The following STXBP6 variants were observed in gnomAD, a reference collection of about 807,000 sequenced individuals.
STXBP6 encodes syntaxin-binding protein 6.
A neutral mutation model predicts 26.9 loss-of-function variants in STXBP6; 21 were observed. That is an observed-to-expected ratio of 0.78 (90% CI 0.55 to 1.12). The LOEUF (loss-of-function observed/expected upper bound fraction) is 1.12, where lower values mean the gene tolerates loss of function less well. Among genes scored for constraint, STXBP6 ranks in the 50% most tolerant of loss-of-function variants. The pLI is 0.00. For synonymous variants in STXBP6, 97 were observed against 92.6 expected (o/e 1.05, Z -0.27); for missense variants, 232 against 257.9 (o/e 0.90, Z 0.69).
intron 4 of STXBP6, among the ~76,000 whole-genome samples, chr14:24,830,265 G>C (rs1265004656): frequency 6.6e-6 from 1 of 152,040 alleles, no homozygotes; most frequent in Non-Finnish European, 1.5e-5. Context: ...TCTGGACCAA[G>C]ATAATTTTTG....
At chr14:25,031,151 A>G (rs2075446986) in intron 1 of STXBP6, among the ~76,000 whole-genome samples, 1 of 152,226 alleles carries the variant, frequency 6.6e-6, no homozygotes, top group South Asian at 2.1e-4. Context: ...AGACAAAGCC[A>G]TCACTTGGTT....
chr14:24,991,873 C>T (rs896016709), intron 1 of STXBP6, among the ~76,000 whole-genome samples: 3 of 152,206 alleles, frequency 2.0e-5, no homozygotes, highest in Admixed American at 2.0e-4. Flanking sequence ...CCAAGCCTCA[C>T]AGCCCCTACA....
At chr14:24,852,745 C>T (rs963265361) in intron 4 of STXBP6, among the ~76,000 whole-genome samples, 2 of 152,108 alleles carry the variant, frequency 1.3e-5, no homozygotes, top group African/African-American at 4.8e-5. Context: ...CTCCCACCTC[C>T]CTTTTTAATA....
chr14:24,867,529 G>A (rs1194820836), intron 2 of STXBP6, among the ~76,000 whole-genome samples: 1 of 152,148 alleles, frequency 6.6e-6, no homozygotes, highest in Non-Finnish European at 1.5e-5. Flanking sequence ...TTCAATAAAA[G>A]TGAAAAGGCA....
intron 1 of STXBP6, among the ~76,000 whole-genome samples, chr14:25,039,238 T>C (rs1320210278): frequency 1.3e-5 from 2 of 151,750 alleles, no homozygotes; most frequent in African/African-American, 4.8e-5. Flanking sequence ...AATTAGGGGG[T>C]TAATAGCATA....
chr14:24,995,011 C>CAAAA, intron 1 of STXBP6: 1 of 94,076 alleles, frequency 1.1e-5, no homozygotes, highest in Non-Finnish European at 2.4e-5. Context: ...GACTCCATGT[C>CAAAA]AAAAAAAAAA....
rs773972315 is a variant in STXBP6 at position 24,974,752 on chromosome 14, C to G, written c.67G>C (p.Val23Leu). The G allele has an allele frequency of 3.7e-6, 6 of 1,603,414 alleles. No individual in the cohort carries two copies. The highest frequency in any genetic ancestry group is 5.1e-6 in the Non-Finnish European group (6 of 1,173,818). ...APLDERMLGA[V>L]QVKRRTKKKI... is the part of the protein sequence containing the mutation. ...TTCTTTGTCCTCCTCTTGACTTGGA[C>G]AGCTCCCAGCATCCTTTCATCAAGA... Residue 23 changes from valine (V) to leucine (L), a missense_variant, in exon 2 of 6, where the codon GTC becomes CTC. Physicochemically the swap from Val to Leu is conservative, Grantham distance 32. Coordinates refer to ENST00000323944, the MANE Select transcript of STXBP6 (RefSeq NM_001394410.1).
At chr14:24,911,337 A>C (rs1210222917) in intron 2 of STXBP6, among the ~76,000 whole-genome samples, 2 of 151,542 alleles carry the variant, frequency 1.3e-5, no homozygotes, top group African/African-American at 4.9e-5. Context: ...ACCCTGCCTC[A>C]AAGAAGGAAC....
At chr14:24,938,251 C>T (rs1244309258) in intron 2 of STXBP6, among the ~76,000 whole-genome samples, 1 of 152,184 alleles carries the variant, frequency 6.6e-6, no homozygotes, top group Admixed American at 6.5e-5. Context: ...AGAAGAGCTG[C>T]TTCATCAGAT....
At chr14:24,958,956 C>A (rs1237013849) in intron 2 of STXBP6, among the ~76,000 whole-genome samples, 2 of 152,118 alleles carry the variant, frequency 1.3e-5, no homozygotes, top group African/African-American at 4.8e-5. Context: ...GAAATAAGTG[C>A]TCTAGAACAA....
At chr14:25,001,583 T>C (rs1212901276) in intron 1 of STXBP6, among the ~76,000 whole-genome samples, 1 of 152,250 alleles carries the variant, frequency 6.6e-6, no homozygotes, top group African/African-American at 2.4e-5. Flanking sequence ...GATTCTTTCT[T>C]AGAGTTTCAA....
intron 1 of STXBP6, among the ~76,000 whole-genome samples, chr14:25,038,218 C>T (rs193200930): frequency 6.6e-6 from 1 of 151,840 alleles, no homozygotes; most frequent in East Asian, 1.9e-4. Context: ...ATGAAAATGA[C>T]TTATCAAACT....
intron 1 of STXBP6, among the ~76,000 whole-genome samples, chr14:25,016,659 G>C (rs186856123): frequency 1.3e-5 from 2 of 152,276 alleles, no homozygotes; most frequent in East Asian, 1.9e-4. Flanking sequence ...AAAAGAACAT[G>C]CTTGATGTGT....
chr14:24,877,321 T>C (rs755582239), intron 2 of STXBP6, among the ~76,000 whole-genome samples: 3 of 152,184 alleles, frequency 2.0e-5, no homozygotes, highest in Non-Finnish European at 4.4e-5. Flanking sequence ...AAACATGCAA[T>C]ACATTTTCAC....
chr14:24,902,395 C>CTGAA (rs1279113434), intron 2 of STXBP6, among the ~76,000 whole-genome samples: 1 of 152,230 alleles, frequency 6.6e-6, no homozygotes, highest in East Asian at 1.9e-4. Context: ...TTGCTATGGA[C>CTGAA]TGAATATTTG....
intron 1 of STXBP6, among the ~76,000 whole-genome samples, chr14:24,975,701 A>G (rs2074027259): frequency 1.3e-5 from 2 of 152,212 alleles, no homozygotes; most frequent in Admixed American, 1.3e-4. Flanking sequence ...CAGAACACAC[A>G]CATACATAGC....
Position 25,049,141 on chromosome 14 carries a change from G to A in STXBP6, c.-33+737C>T. 1 of 983,508 alleles carries A rather than the reference G, an allele frequency of 1.0e-6. No homozygotes were observed. The highest frequency in any genetic ancestry group is 1.2e-6 in the Non-Finnish European group (1 of 828,160). 60.9% of individuals were successfully genotyped at this position (983,508 alleles called of 1,614,324 possible). On this transcript the variant is annotated intron_variant, in intron 1 of 5. Coordinates refer to ENST00000323944, the MANE Select transcript of STXBP6 (RefSeq NM_001394410.1). The surrounding 1 kb of genome is among the most constrained non-coding windows in gnomAD (Gnocchi z 5.6). Reference sequence around the variant, plus strand: ...TGTCCTCTGTGAAGATGAACGGGGTGGGGTGGTGAGGTGGCGGGGTGTTGT... The same window carrying A: ...TGTCCTCTGTGAAGATGAACGGGGTAGGGTGGTGAGGTGGCGGGGTGTTGT...
At chr14:24,824,098 G>A (rs2138811008) in intron 4 of STXBP6, among the ~76,000 whole-genome samples, 1 of 152,248 alleles carries the variant, frequency 6.6e-6, no homozygotes, top group South Asian at 2.1e-4. Context: ...AAAAAGGTAG[G>A]ATTCACCTAA....
intron 1 of STXBP6, among the ~76,000 whole-genome samples, chr14:25,000,089 G>A (rs2074717549): frequency 6.6e-6 from 1 of 150,932 alleles, no homozygotes; most frequent in African/African-American, 2.4e-5. Context: ...TTGAGACGGA[G>A]TCTTGCTCTA....
Sources: allele counts gnomAD v4.1 joint callset (sites outside exome capture counted in the v4.1 genomes callset), GRCh38; gene constraint gnomAD v4.1.1; non-coding constraint Gnocchi (gnomAD v3.1); transcripts MANE v1.5; gene names NCBI Gene and HGNC (gene_info 2026-07-23, HGNC 2026-07-21).